PLAA: variants seen among roughly 807,000 people sequenced by gnomAD.
PLAA encodes the protein phospholipase A2 activating protein, also known as phospholipase A-2-activating protein.
In PLAA, 48 loss-of-function variants were observed where a neutral mutation model predicts 84.1. The ratio of observed to expected loss-of-function variants is 0.57; its 90% confidence interval spans 0.45 to 0.73. The LOEUF is 0.73. Among genes scored for constraint, PLAA ranks in the 30% least tolerant of loss-of-function variants. PLAA has a pLI of 0.00. For synonymous variants in PLAA, 392 were observed against 336.6 expected (o/e 1.16, Z -1.80); for missense variants, 903 against 954.7 (o/e 0.95, Z 0.71).
chr9:26,930,750 T>C (rs982722301), intron 2 of PLAA, among the ~76,000 whole-genome samples: 4 of 151,796 alleles, frequency 2.6e-5, no homozygotes, highest in Admixed American at 2.6e-4. Context: ...GCCCGGCTAA[T>C]TTTTTTGTAT....
chr9:26,924,838 T>C (rs534485584), intron 6 of PLAA, among the ~76,000 whole-genome samples: 1 of 152,322 alleles, frequency 6.6e-6, no homozygotes, highest in Non-Finnish European at 1.5e-5. Flanking sequence ...TGCTTTGCTT[T>C]TGGAAGCTTT....
chr9:26,946,803 G>C, intron 1 of PLAA, 94 bp downstream of exon 1: 2 of 1,367,010 alleles, frequency 1.5e-6, no homozygotes, highest in Non-Finnish European at 9.8e-7. Context: ...TGGGGGGAGA[G>C]AGAGACGGCA....
chr9:26,940,013 TA>T (rs1182627966), intron 1 of PLAA, among the ~76,000 whole-genome samples: 1 of 152,042 alleles, frequency 6.6e-6, no homozygotes, highest in Non-Finnish European at 1.5e-5. Context: ...AAAGAGGACT[TA>T]ACAAAATAAA....
intron 2 of PLAA, among the ~76,000 whole-genome samples, chr9:26,933,192 C>T (rs1264232780): frequency 1.3e-5 from 2 of 151,836 alleles, no homozygotes; most frequent in Non-Finnish European, 2.9e-5. Flanking sequence ...TGCTTGAACC[C>T]GGGAGGCAGA....
rs1469883168 is a variant in PLAA, at chr9:26,935,182, C to T, written c.174G>A (p.Met58Ile). 1 of 1,580,870 alleles carries T rather than the reference C, an allele frequency of 6.3e-7. No homozygotes were observed. The highest frequency in any genetic ancestry group is 8.6e-7 in the Non-Finnish European group (1 of 1,168,756). ...AATTGGAATGGCCACTCATACAGTG[C>T]ATTTCTGTAAAGCTCCTGTTTGGAC... ...PDSPNRSFTEMHCMSGHSNFV... is the reference protein window; with the variant it reads ...PDSPNRSFTEIHCMSGHSNFV... The change falls in exon 2 of 14, where the codon ATG (methionine) becomes ATA (isoleucine). Residue 58 changes from methionine (M) to isoleucine (I), a missense_variant. Transcript: ENST00000397292.
Position 26,903,453 on chromosome 9 carries a change from G to A in PLAA, c.*2058C>T, listed in dbSNP as rs547594667. Among the ~76,000 whole-genome samples the A allele has an allele frequency of 6.6e-6, 1 of 152,274 alleles. No homozygotes were observed. The highest frequency in any genetic ancestry group is 1.5e-5 in the Non-Finnish European group (1 of 68,002). On this transcript the variant is annotated 3_prime_UTR_variant, in exon 14 of 14. Transcript: ENST00000397292. ...AATCAGGTTATCAAAGAGTATGTAT[G>A]ATACAACGCTTTTTTAATAAAATAA...
intron 1 of PLAA, among the ~76,000 whole-genome samples, chr9:26,945,287 A>G (rs989645893): frequency 6.6e-6 from 1 of 152,208 alleles, no homozygotes; most frequent in Non-Finnish European, 1.5e-5. Context: ...ACAGGATTCC[A>G]TTATTAAAAC....
At chr9:26,927,640 A>G (rs894969072) in intron 4 of PLAA, among the ~76,000 whole-genome samples, 2 of 152,236 alleles carry the variant, frequency 1.3e-5, no homozygotes, top group African/African-American at 4.8e-5. Context: ...AATACTCACC[A>G]TAAACCACAA....
chr9:26,928,127 C>G lies in PLAA; in HGVS notation c.538G>C (p.Ala180Pro), dbSNP rs1221636330. The G allele has an allele frequency of 3.1e-6, 5 of 1,614,030 alleles. No individual in the cohort carries two copies. Among genetic ancestry groups the G allele is most frequent in the Admixed American group, 1.7e-5 (1 of 59,990 alleles). Residue 180 changes from alanine (A) to proline (P), a missense_variant, in exon 4 of 14, where the codon GCT (alanine) becomes CCT (proline). Ala to Pro is a conservative substitution (Grantham distance 27). Coordinates refer to ENST00000397292, the MANE Select transcript of PLAA (RefSeq NM_001031689.3). ...SADKTVKLWK[A>P]GRCERTFSGH... ...GAAAAAGTCCTCTCACATCTTCCAG[C>G]CTTCCACAGTTTAACAGTCTTGTCT...
chr9:26,921,217 T>C (rs940123619), intron 7 of PLAA, among the ~76,000 whole-genome samples: 2 of 152,220 alleles, frequency 1.3e-5, no homozygotes, highest in African/African-American at 4.8e-5. Flanking sequence ...TATTTGCTCC[T>C]TTCCCTCTTT....
intron 6 of PLAA, among the ~76,000 whole-genome samples, chr9:26,924,357 C>G (rs1463178516): frequency 6.6e-6 from 1 of 152,012 alleles, no homozygotes; most frequent in East Asian, 1.9e-4. Flanking sequence ...TAGTCTCGAA[C>G]TCCTGAGCTC....
rs566825374 is a variant in PLAA, at chr9:26,925,220, C to A, written c.869+605G>T. Among the ~76,000 whole-genome samples the A allele has an allele frequency of 1.3e-3, 202 of 152,296 alleles. 1 individual carries two copies. Among genetic ancestry groups the A allele is most frequent in the Non-Finnish European group, 2.5e-3 (173 of 68,024 alleles). ...GTCACCAGCAGTTAAATCCAATCTA[C>A]ATATTTAGTAATTCATAAGTTCTGC... On this transcript the variant is annotated intron_variant, in intron 6 of 13. Transcript: ENST00000397292.
At chr9:26,910,278 A>G (rs1824358731) in intron 12 of PLAA, 60 bp downstream of exon 12, 1 of 1,257,300 alleles carries the variant, frequency 8.0e-7, no homozygotes, top group South Asian at 1.2e-5. Flanking sequence ...AAGAGAAACA[A>G]CCTTGATGAC....
intron 1 of PLAA, among the ~76,000 whole-genome samples, chr9:26,946,673 G>C (rs953268019): frequency 4.6e-5 from 7 of 152,234 alleles, no homozygotes; most frequent in Admixed American, 1.3e-4. Flanking sequence ...GGTCAAGTTA[G>C]CACAACAAGG....
chr9:26,913,767 A>G (rs1824464398), intron 11 of PLAA, 112 bp downstream of exon 11: 1 of 688,060 alleles, frequency 1.5e-6, no homozygotes, highest in Non-Finnish European at 2.4e-6. Flanking sequence ...TCGATTTACT[A>G]TATAAAAAGT....
At chr9:26,944,622 G>A (rs911630392) in intron 1 of PLAA, among the ~76,000 whole-genome samples, 16 of 152,160 alleles carry the variant, frequency 1.1e-4, no homozygotes, top group African/African-American at 3.6e-4. Flanking sequence ...GCCTCATAAT[G>A]TTTTAAGAAA....
At chr9:26,918,367 A>G (rs1824641440) in intron 9 of PLAA, among the ~76,000 whole-genome samples, 1 of 144,606 alleles carries the variant, frequency 6.9e-6, no homozygotes, top group South Asian at 2.2e-4. Flanking sequence ...TGACCTTGTG[A>G]TCTGCCTGCC....
intron 6 of PLAA, among the ~76,000 whole-genome samples, chr9:26,925,284 A>G (rs1180832817): frequency 6.6e-6 from 1 of 152,056 alleles, no homozygotes; most frequent in African/African-American, 2.4e-5. Flanking sequence ...CAACCCTTCA[A>G]CCCCAGGCAA....
chr9:26,929,070 G>A (rs1376867660), intron 2 of PLAA, among the ~76,000 whole-genome samples: 1 of 152,064 alleles, frequency 6.6e-6, no homozygotes, highest in Non-Finnish European at 1.5e-5. Context: ...GTGGCGGTAT[G>A]CGCCTGTGTT....
Sources: gnomAD v4.1 joint callset for allele counts (sites outside exome capture counted in the v4.1 genomes callset) on GRCh38, gnomAD v4.1.1 for gene constraint, MANE v1.5 for transcripts, NCBI Gene and HGNC (gene_info 2026-07-23, HGNC 2026-07-21) for gene names.